MAP4K3: variants seen among roughly 807,000 people sequenced by gnomAD.
The protein encoded by MAP4K3 is mitogen-activated protein kinase kinase kinase kinase 3.
MAP4K3 carries 94 observed loss-of-function variants against 143.5 expected under a neutral mutation model. The ratio of observed to expected loss-of-function variants is 0.65; its 90% CI spans 0.55 to 0.78. The LOEUF (loss-of-function observed/expected upper bound fraction) is 0.78, where lower values mean the gene tolerates loss of function less well. Ranked by LOEUF, MAP4K3 falls within the 30% of genes least tolerant of loss-of-function variation. MAP4K3 has a pLI of 0.00. For missense variants in MAP4K3, 1,077 were observed against 1,068.1 expected (o/e 1.01, Z -0.12); for synonymous variants, 416 against 347.2 (o/e 1.20, Z -2.20).
At chr2:39,259,410 C>T (rs1342499481) in intron 29 of MAP4K3, among the ~76,000 whole-genome samples, 1 of 152,140 alleles carries the variant, frequency 6.6e-6, no homozygotes, top group African/African-American at 2.4e-5. Context: ...ACTACATACT[C>T]AATGATCACT....
intron 8 of MAP4K3, among the ~76,000 whole-genome samples, chr2:39,327,277 A>G (rs17023684): frequency 0.054 from 8,178 of 152,240 alleles, 254 homozygotes; most frequent in African/African-American, 0.079. Flanking sequence ...CTAAAAACTT[A>G]TTTGGCATTT....
chr2:39,425,114 C>T lies in MAP4K3; in HGVS notation c.96+11778G>A, dbSNP rs1462463223. Reference sequence around the variant, plus strand: ...ACAGTCTCCCACCCACTCCCCACCACCCCCCCAGCCCCTCCACTCAGCTGT... The same window carrying T: ...ACAGTCTCCCACCCACTCCCCACCATCCCCCCAGCCCCTCCACTCAGCTGT... On this transcript the variant is annotated intron_variant, in intron 1 of 33. Transcript: ENST00000263881. Among the ~76,000 whole-genome samples, 4 of 150,098 alleles carry T rather than the reference C, an allele frequency of 2.7e-5. No homozygotes were observed. The East Asian group carries it at 5.9e-4, about 22-fold the overall frequency.
rs1665004180 is a variant in MAP4K3, at chr2:39,337,586, A to C, written c.311-5T>G. 1 of 1,600,372 alleles carries C rather than the reference A, an allele frequency of 6.2e-7. No individual in the cohort carries two copies. The stretch of plus-strand genomic sequence containing the variant: ...GTTCTGACAGAGGTCCAGTTACTGT[A>C]AAAGAAGACAATTAATACTCATAAA... On this transcript the variant is annotated splice_region_variant and splice_polypyrimidine_tract_variant and intron_variant, in intron 4 of 33. Transcript: ENST00000263881.
In MAP4K3 at chr2:39,267,199, C is replaced by T. The variant is rs375351993; in HGVS notation, c.2022G>A (p.Lys674=). The change falls in exon 27 of 34, where the codon AAG becomes AAA. Residue 674 remains lysine, a synonymous_variant. Coordinates refer to ENST00000263881, the MANE Select transcript of MAP4K3 (RefSeq NM_003618.4). ...GGACAGTTTACTTACCAACACAACACTTCTGGCACCATTTGGTTTCAGGGA... is the reference window on the plus strand; with the variant it reads ...GGACAGTTTACTTACCAACACAACATTTCTGGCACCATTTGGTTTCAGGGA... The part of the protein sequence containing the change: ...AKIPETKWCQ[K]CCVVRNPYTG... 3.7e-6 allele frequency: 6 copies of T among 1,613,986 alleles called. No individual in the cohort carries two copies. The East Asian group carries it at 8.9e-5, about 24-fold the overall frequency.
chr2:39,436,602 C>A, intron 1 of MAP4K3: 1 of 443,068 alleles, frequency 2.3e-6, no homozygotes, highest in Middle Eastern at 6.5e-4. Context: ...TATGGATGAG[C>A]AGTGTGGCCT....
At position 39,282,590 on chromosome 2, in the gene MAP4K3, T is replaced by G. The variant is rs932674375; in HGVS notation, c.1588-36A>C. 8 of 1,439,618 alleles carry G rather than the reference T, an allele frequency of 5.6e-6. No individual in the cohort carries two copies. The Admixed American group carries it at 1.2e-4, about 22-fold the overall frequency. The allele number at this position is 1,439,618 out of a possible 1,614,324, so 89.2% of individuals were successfully genotyped here. On this transcript the variant is annotated intron_variant, in intron 21 of 33. Transcript: ENST00000263881. ...AACACATGTATGATTACACTTTTTT[T>G]GCTGCTGTTTGATATAATAATACTG...
chr2:39,427,469 A>G (rs1277461980), intron 1 of MAP4K3, among the ~76,000 whole-genome samples: 1 of 152,128 alleles, frequency 6.6e-6, no homozygotes. Context: ...CTGTCTGTAT[A>G]AAACAATAAT....
At chr2:39,423,629 T>A (rs1664961390) in intron 1 of MAP4K3, among the ~76,000 whole-genome samples, 1 of 152,210 alleles carries the variant, frequency 6.6e-6, no homozygotes, top group Non-Finnish European at 1.5e-5. Context: ...TGGAAGAAAC[T>A]TAAATGCATA....
At chr2:39,387,772 G>C (rs768854792) in intron 1 of MAP4K3, among the ~76,000 whole-genome samples, 6 of 152,200 alleles carry the variant, frequency 3.9e-5, no homozygotes, top group African/African-American at 1.4e-4. Flanking sequence ...TTCCAGTTCC[G>C]TGTATCATGT....
intron 1 of MAP4K3, among the ~76,000 whole-genome samples, chr2:39,392,183 C>CAAAAAA (rs3086434): frequency 0.022 from 1,523 of 68,962 alleles, 114 homozygotes; most frequent in African/African-American, 0.051. Context: ...CACTCCTACT[C>CAAAAAA]AAAAAAAAAA....
chr2:39,256,635 A>C (rs1315956609), intron 31 of MAP4K3, among the ~76,000 whole-genome samples: 1 of 152,126 alleles, frequency 6.6e-6, no homozygotes, highest in Non-Finnish European at 1.5e-5. Flanking sequence ...CTAATATTTT[A>C]TTTAGATTTT....
chr2:39,342,106 T>A (rs2148533993), intron 4 of MAP4K3, among the ~76,000 whole-genome samples: 1 of 130,846 alleles, frequency 7.6e-6, no homozygotes, highest in East Asian at 2.1e-4. Flanking sequence ...TTTGTCTTTC[T>A]AGTATTATTA....
Position 39,289,039 on chromosome 2 carries a change from G to A in MAP4K3, c.1315-759C>T, listed in dbSNP as rs890846515. On this transcript the variant is annotated intron_variant, in intron 19 of 33. Transcript: ENST00000263881. ...TGCAGTCCAGCCTGGGCGAAAGAGC[G>A]AGACTCCATCTCAAAACAAAACAAA... Among the ~76,000 whole-genome samples the A allele has an allele frequency of 4.6e-5, 7 of 152,218 alleles. 1 individual carries two copies. The highest frequency in any genetic ancestry group is 3.4e-3 in the Middle Eastern group (1 of 294).
chr2:39,365,152 G>A (rs1665885089), intron 2 of MAP4K3, among the ~76,000 whole-genome samples: 1 of 152,160 alleles, frequency 6.6e-6, no homozygotes, highest in South Asian at 2.1e-4. Flanking sequence ...TATCTGTCAT[G>A]TGATGCTATA....
Position 39,344,955 on chromosome 2 carries a change from T to C in MAP4K3, c.246-1503A>G, listed in dbSNP as rs372673552. The stretch of plus-strand genomic sequence containing the variant: ...CACTGTGAAACAATCCTATGTTTAC[T>C]AGCTTCTCAGTTTAGTTACCTTCCT... On this transcript the variant is annotated intron_variant, in intron 3 of 33. Coordinates refer to ENST00000263881, the MANE Select transcript of MAP4K3 (RefSeq NM_003618.4). Among the ~76,000 whole-genome samples the C allele has an allele frequency of 7.9e-5, 12 of 152,356 alleles. 1 individual carries two copies. In the South Asian group the frequency reaches 1.4e-3, roughly 18 times the overall value.
intron 1 of MAP4K3, among the ~76,000 whole-genome samples, chr2:39,429,207 C>G (rs562440496): frequency 6.6e-6 from 1 of 151,696 alleles, no homozygotes; most frequent in Non-Finnish European, 1.5e-5. Flanking sequence ...ATAATTACTA[C>G]GCAATCCTGG....
At chr2:39,328,239 G>T (rs1230324178) in intron 8 of MAP4K3, among the ~76,000 whole-genome samples, 3 of 152,194 alleles carry the variant, frequency 2.0e-5, no homozygotes, top group Non-Finnish European at 2.9e-5. Context: ...GCTGAGGTGG[G>T]ACGATCGCTT....
intron 1 of MAP4K3, among the ~76,000 whole-genome samples, chr2:39,388,306 T>C (rs905017497): frequency 2.6e-5 from 4 of 152,192 alleles, no homozygotes; most frequent in African/African-American, 9.7e-5. Context: ...AGATATAAAA[T>C]ATCCTTCCAT....
chr2:39,299,869 A>G, intron 15 of MAP4K3, 68 bp from the exon 16 acceptor site: 7 of 574,266 alleles, frequency 1.2e-5, no homozygotes, highest in Non-Finnish European at 2.0e-5. Flanking sequence ...ATTAATATAT[A>G]TAATACATAT....
Sources: gnomAD v4.1 joint callset for allele counts (sites outside exome capture counted in the v4.1 genomes callset) on GRCh38, gnomAD v4.1.1 for gene constraint, MANE v1.5 for transcripts, NCBI Gene and HGNC (gene_info 2026-07-23, HGNC 2026-07-21) for gene names.